The following DST variants were observed in gnomAD, a reference collection of about 807,000 sequenced individuals.
DST encodes the protein dystonin, also known as bullous pemphigoid antigen.
DST carries 253 observed loss-of-function variants against 875.2 expected under a neutral mutation model. That is an observed-to-expected ratio of 0.29 (90% CI 0.26 to 0.32). The LOEUF (loss-of-function observed/expected upper bound fraction) is 0.32, where lower values mean the gene tolerates loss of function less well. Ranked by LOEUF, DST falls within the 10% of genes least tolerant of loss-of-function variation. The probability of loss-of-function intolerance (pLI) is 1.00; values close to 1 mark genes in which losing one functional copy is unlikely to be tolerated. For synonymous variants in DST, 3,124 were observed against 3,197.1 expected, an observed-to-expected ratio of 0.98 and a Z score of 0.77; for missense variants, 8,287 against 9,111.6, an observed-to-expected ratio of 0.91 and a Z score of 3.68.
At chr6:56,651,677 C>T (rs900174137) in intron 10 of DST, among the ~76,000 whole-genome samples, 2 of 152,168 alleles carry the variant, frequency 1.3e-5, no homozygotes, top group African/African-American at 4.8e-5. Flanking sequence ...TTCACATCAT[C>T]TTTGTCTTCT....
chr6:56,471,102 T>G lies in DST; in HGVS notation c.22321+4A>C. On this transcript the variant is annotated splice_donor_region_variant and intron_variant, in intron 95 of 103. Transcript: ENST00000680361. ...CAGTCATAGTCATCTGTCTTGGAACTTACTTGAGGAAAGAATTCCATCAAT... is the reference window on the plus strand; with the variant it reads ...CAGTCATAGTCATCTGTCTTGGAACGTACTTGAGGAAAGAATTCCATCAAT... The G allele has an allele frequency of 1.2e-6, 2 of 1,610,734 alleles. No homozygotes were observed. The highest frequency in any genetic ancestry group is 1.1e-5 in the South Asian group (1 of 90,294).
Position 56,918,820 on chromosome 6 carries a change from C to T in DST, c.217-18199G>A, listed in dbSNP as rs193220293. Among the ~76,000 whole-genome samples the T allele has an allele frequency of 5.7e-4, 87 of 152,058 alleles. No individual in the cohort carries two copies. The East Asian group carries it at 0.014, about 24-fold the overall frequency. ...AGGCAGGAGAATTGCTTAACCCGGG[C>T]GACAGAGGTTGCAGTGAGCTGAGAT... On this transcript the variant is annotated intron_variant, in intron 2 of 103. Transcript: ENST00000680361.
chr6:56,496,879 T>C (rs894524383), intron 82 of DST, among the ~76,000 whole-genome samples: 1 of 151,870 alleles, frequency 6.6e-6, no homozygotes, highest in East Asian at 1.9e-4. Flanking sequence ...ATGGATGAAA[T>C]TGGAAATCAT....
intron 82 of DST, among the ~76,000 whole-genome samples, chr6:56,496,733 T>C (rs1320780610): frequency 1.3e-5 from 2 of 152,180 alleles, no homozygotes. Context: ...TTTGTGGCAC[T>C]GTTCACAATA....
At chr6:56,844,730 G>A (rs1441393728) in intron 4 of DST, among the ~76,000 whole-genome samples, 2 of 152,072 alleles carry the variant, frequency 1.3e-5, no homozygotes, top group East Asian at 3.9e-4. Flanking sequence ...AAATTTAGCC[G>A]GGCGTGGTGG....
intron 4 of DST, among the ~76,000 whole-genome samples, chr6:56,796,393 T>G (rs2099739788): frequency 6.6e-6 from 1 of 152,182 alleles, no homozygotes; most frequent in South Asian, 2.1e-4. Flanking sequence ...ATGTGGTAAC[T>G]ACATTGGGAA....
chr6:56,931,019 T>C (rs1809922740), intron 2 of DST, among the ~76,000 whole-genome samples: 1 of 152,216 alleles, frequency 6.6e-6, no homozygotes, highest in South Asian at 2.1e-4. Flanking sequence ...TCAAAACACT[T>C]CCTGCTGCCT....
At chr6:56,769,782 A>G in intron 4 of DST, among the ~76,000 whole-genome samples, 1 of 152,210 alleles carries the variant, frequency 6.6e-6, no homozygotes, top group African/African-American at 2.4e-5. Context: ...ACGCCACTGC[A>G]CTCCAGCCTG....
Position 56,469,968 on chromosome 6 carries a change from CAAT to C in DST, c.22477-14_22477-12del, listed in dbSNP as rs1356961205. The C allele has an allele frequency of 6.2e-7, 1 of 1,613,108 alleles. No individual in the cohort carries two copies. Among genetic ancestry groups the C allele is most frequent in the South Asian group, 1.1e-5 (1 of 91,058 alleles). ...TACCTGCCTTGTCACCTGCCAAAAA[CAAT>C]GATGAAATATTTACTTTAATGTCAA... On this transcript the variant is annotated splice_polypyrimidine_tract_variant and intron_variant, in intron 96 of 103. Coordinates refer to ENST00000680361, the MANE Select transcript of DST (RefSeq NM_001374736.1).
chr6:56,936,871 A>C (rs927453312), intron 2 of DST, among the ~76,000 whole-genome samples: 4 of 152,200 alleles, frequency 2.6e-5, no homozygotes, highest in Non-Finnish European at 5.9e-5. Context: ...CTCAAGAAGA[A>C]AAGTAATCTG....
At chr6:56,459,482 A>G (rs986482511) in intron 103 of DST, among the ~76,000 whole-genome samples, 3 of 152,222 alleles carry the variant, frequency 2.0e-5, no homozygotes, top group African/African-American at 7.2e-5. Context: ...ATTTCCAACT[A>G]CAAGGTAAGT....
At chr6:56,642,182 A>G (rs2098912896) in intron 16 of DST, 81 bp from the exon 17 acceptor site, 1 of 1,198,124 alleles carries the variant, frequency 8.3e-7, no homozygotes, top group Non-Finnish European at 1.2e-6. Context: ...AAATATTGGA[A>G]CAGAAGCCTA....
At chr6:56,588,507 T>C (rs939638959) in intron 49 of DST, among the ~76,000 whole-genome samples, 2 of 152,212 alleles carry the variant, frequency 1.3e-5, no homozygotes, top group African/African-American at 4.8e-5. Context: ...GTGTCTTCTA[T>C]CAAACTATAG....
chr6:56,609,420 T>G (rs1279621443), intron 39 of DST, 76 bp from the exon 40 acceptor site: 1 of 1,035,760 alleles, frequency 9.7e-7, no homozygotes, highest in Admixed American at 2.3e-5. Flanking sequence ...CTTAGGTTTT[T>G]TAAAAAATAA....
chr6:56,663,401 C>G lies in DST; in HGVS notation c.1214+7240G>C, dbSNP rs192002074. Among the ~76,000 whole-genome samples the G allele has an allele frequency of 3.4e-3, 515 of 152,352 alleles. 3 individuals carry two copies. The highest frequency in any genetic ancestry group is 0.012 in the African/African-American group (494 of 41,578). Reference sequence around the variant, plus strand: ...CTTTTTAATTGATAACTTTCAGGCTCTGTGTGTGTCTGGCTTGTGGCCAAA... The same window carrying G: ...CTTTTTAATTGATAACTTTCAGGCTGTGTGTGTGTCTGGCTTGTGGCCAAA... On this transcript the variant is annotated intron_variant, in intron 10 of 103. Coordinates refer to ENST00000680361, the MANE Select transcript of DST (RefSeq NM_001374736.1).
chr6:56,645,151 C>T (rs1447296462), intron 15 of DST, among the ~76,000 whole-genome samples: 8 of 152,124 alleles, frequency 5.3e-5, no homozygotes, highest in Non-Finnish European at 1.2e-4. Context: ...TTATTAGCAG[C>T]GTGAGAATGG....
chr6:56,788,824 T>G (rs1035551368), intron 4 of DST, among the ~76,000 whole-genome samples: 4 of 152,228 alleles, frequency 2.6e-5, no homozygotes, highest in Non-Finnish European at 5.9e-5. Flanking sequence ...TTACTACAAA[T>G]AGTACTGTGA....
chr6:56,561,241 A>C, intron 57 of DST, 67 bp downstream of exon 57: 13 of 1,484,666 alleles, frequency 8.8e-6, no homozygotes, highest in South Asian at 1.4e-5. Context: ...TCTGACTACC[A>C]GAGCTCCGTT....
intron 4 of DST, among the ~76,000 whole-genome samples, chr6:56,838,832 T>C (rs2099796681): frequency 6.6e-6 from 1 of 152,250 alleles, no homozygotes; most frequent in Admixed American, 6.5e-5. Flanking sequence ...AACATTCAAA[T>C]GCGTCATTTT....
Sources: gnomAD v4.1 joint callset for allele counts (sites outside exome capture counted in the v4.1 genomes callset) on GRCh38, gnomAD v4.1.1 for gene constraint, MANE v1.5 for transcripts, NCBI Gene and HGNC (gene_info 2026-07-23, HGNC 2026-07-21) for gene names.